Variants in CNTNAP2 observed in about 807,000 individuals in gnomAD.
CNTNAP2 encodes the protein contactin associated protein 2, also known as contactin-associated protein-like 2.
Under a neutral mutation model 155.2 loss-of-function variants are expected in CNTNAP2, and 98 were observed. The observed-to-expected ratio is 0.63, with a 90% CI of 0.54 to 0.75. The LOEUF (loss-of-function observed/expected upper bound fraction) is 0.75. CNTNAP2 is among the 30% of genes least tolerant of loss of function. CNTNAP2 has a pLI of 0.00. For synonymous variants in CNTNAP2, 651 were observed against 631.2 expected (o/e 1.03, Z -0.47); for missense variants, 1,727 against 1,688.1 (o/e 1.02, Z -0.40).
intron 14 of CNTNAP2, among the ~76,000 whole-genome samples, chr7:147,940,923 T>C (rs532270954): frequency 1.3e-5 from 2 of 152,354 alleles, no homozygotes; most frequent in African/African-American, 4.8e-5. Context: ...ATCGTAATAT[T>C]TGAAGCAACT....
chr7:147,476,337 C>T (rs1272582541), intron 10 of CNTNAP2, among the ~76,000 whole-genome samples: 1 of 151,800 alleles, frequency 6.6e-6, no homozygotes, highest in African/African-American at 2.4e-5. Flanking sequence ...AATCTGCTGA[C>T]CTCATGATCC....
intron 1 of CNTNAP2, among the ~76,000 whole-genome samples, chr7:146,721,836 CTA>C (rs200570814): frequency 0.035 from 3,419 of 97,000 alleles, 108 homozygotes; most frequent in African/African-American, 0.1. Flanking sequence ...TATATATAGT[CTA>C]TATATATATT....
chr7:146,701,442 A>G (rs902633472), intron 1 of CNTNAP2, among the ~76,000 whole-genome samples: 1 of 152,194 alleles, frequency 6.6e-6, no homozygotes, highest in Non-Finnish European at 1.5e-5. Context: ...TATTTGGAAT[A>G]GCATCCTTTA....
rs181184447 is a variant in CNTNAP2, at chr7:147,177,820, A to G, written c.1348+45311A>G. ...GCTAATTCACGTAACTCTTACTTCA[A>G]TTTCTAATATCCAAAAGCAATTATG... On this transcript the variant is annotated intron_variant, in intron 8 of 23. Transcript: ENST00000361727. 2.6e-5 allele frequency among the ~76,000 whole-genome samples: 4 copies of G among 152,148 alleles called. No individual in the cohort carries two copies. The East Asian group carries it at 5.8e-4, about 22-fold the overall frequency.
At chr7:146,974,077 G>T (rs189966258) in intron 3 of CNTNAP2, among the ~76,000 whole-genome samples, 50 of 152,300 alleles carry the variant, frequency 3.3e-4, no homozygotes, top group African/African-American at 1.1e-3. Flanking sequence ...TGTGTGGACT[G>T]ATACCCAGAA....
intron 1 of CNTNAP2, among the ~76,000 whole-genome samples, chr7:146,198,152 A>G (rs1207996943): frequency 6.6e-6 from 1 of 152,146 alleles, no homozygotes; most frequent in Non-Finnish European, 1.5e-5. Context: ...ATAACTTGAG[A>G]TGAGATTTGG....
At chr7:146,874,446 T>C (rs1452579205) in intron 3 of CNTNAP2, among the ~76,000 whole-genome samples, 2 of 152,170 alleles carry the variant, frequency 1.3e-5, no homozygotes, top group Non-Finnish European at 2.9e-5. Flanking sequence ...TTCAAGTGAT[T>C]CTCCTGCCTC....
intron 8 of CNTNAP2, among the ~76,000 whole-genome samples, chr7:147,154,903 G>T (rs1237369116): frequency 2.6e-5 from 4 of 152,118 alleles, no homozygotes; most frequent in African/African-American, 7.2e-5. Context: ...ATATATTGTT[G>T]TAATTAATAA....
intron 13 of CNTNAP2, among the ~76,000 whole-genome samples, chr7:147,655,229 TCTC>T (rs1486633923): frequency 1.3e-5 from 2 of 152,088 alleles, no homozygotes; most frequent in East Asian, 3.8e-4. Context: ...TTCAAGCAAT[TCTC>T]CTGCCTCAGC....
At chr7:146,560,477 T>TAG (rs1491469306) in intron 1 of CNTNAP2, among the ~76,000 whole-genome samples, 3 of 148,024 alleles carry the variant, frequency 2.0e-5, no homozygotes, top group Admixed American at 6.7e-5. Context: ...TGTGTGTGTG[T>TAG]ATATATATAT....
intron 8 of CNTNAP2, among the ~76,000 whole-genome samples, chr7:147,204,138 A>G (rs1170291618): frequency 1.3e-5 from 2 of 151,994 alleles, no homozygotes; most frequent in East Asian, 3.8e-4. Flanking sequence ...AATCTAGAAG[A>G]ATAATAGGAT....
At chr7:148,251,601 GA>G (rs1301413534) in intron 20 of CNTNAP2, among the ~76,000 whole-genome samples, 1 of 152,174 alleles carries the variant, frequency 6.6e-6, no homozygotes, top group Non-Finnish European at 1.5e-5. Flanking sequence ...CATGTTTGAT[GA>G]AAAGAAGGGA....
intron 22 of CNTNAP2, among the ~76,000 whole-genome samples, chr7:148,404,128 G>A (rs538615140): frequency 5.3e-5 from 8 of 152,288 alleles, no homozygotes; most frequent in African/African-American, 1.7e-4. Context: ...AGAAGCTACC[G>A]ATGTTTACAT....
chr7:147,817,961 G>A (rs1412206947), intron 13 of CNTNAP2, among the ~76,000 whole-genome samples: 2 of 149,878 alleles, frequency 1.3e-5, no homozygotes, highest in Admixed American at 1.3e-4. Context: ...GCTTATTTTT[G>A]CTGGAAAATT....
intron 3 of CNTNAP2, among the ~76,000 whole-genome samples, chr7:147,011,391 C>T (rs1798619768): frequency 7.3e-6 from 1 of 137,854 alleles, no homozygotes; most frequent in Admixed American, 7.6e-5. Flanking sequence ...TTCACTCCAG[C>T]CTGGACAACT....
intron 9 of CNTNAP2, among the ~76,000 whole-genome samples, chr7:147,339,865 G>A (rs1455421732): frequency 2.0e-5 from 3 of 152,092 alleles, no homozygotes; most frequent in Non-Finnish European, 4.4e-5. Flanking sequence ...TGGCCAAAGA[G>A]GTCATAGTAA....
chr7:146,393,307 T>G (rs1795571690), intron 1 of CNTNAP2, among the ~76,000 whole-genome samples: 1 of 152,186 alleles, frequency 6.6e-6, no homozygotes, highest in South Asian at 2.1e-4. Context: ...GAAAGTGTAT[T>G]AGGTATGACA....
intron 12 of CNTNAP2, among the ~76,000 whole-genome samples, chr7:147,576,645 G>A (rs762702317): frequency 2.0e-5 from 3 of 152,052 alleles, no homozygotes; most frequent in African/African-American, 2.4e-5. Context: ...TCATTTTGAT[G>A]CAAGAGTGAA....
intron 1 of CNTNAP2, among the ~76,000 whole-genome samples, chr7:146,665,551 G>A (rs1311558583): frequency 6.6e-6 from 1 of 151,486 alleles, no homozygotes; most frequent in Non-Finnish European, 1.5e-5. Flanking sequence ...GGAGGCTGAG[G>A]CGGGTGGATC....
Sources: allele counts gnomAD v4.1 joint callset (sites outside exome capture counted in the v4.1 genomes callset), GRCh38; gene constraint gnomAD v4.1.1; transcripts MANE v1.5; gene names NCBI Gene and HGNC (gene_info 2026-07-23, HGNC 2026-07-21).